Variants in CNGA1 observed in about 807,000 individuals in gnomAD.
The protein encoded by CNGA1 is cyclic nucleotide gated channel subunit alpha 1, also known as cyclic nucleotide-gated channel alpha-1.
CNGA1 carries 53 observed loss-of-function variants against 69.7 expected under a neutral mutation model. The ratio of observed to expected loss-of-function variants is 0.76; its 90% CI spans 0.61 to 0.96. The LOEUF is 0.96. Among genes scored for constraint, CNGA1 ranks in the 40% least tolerant of loss-of-function variants. The pLI, the probability that CNGA1 is intolerant of heterozygous loss-of-function variation, is 0.00. For synonymous variants in CNGA1, 249 were observed against 283.5 expected (o/e 0.88, Z 1.22); for missense variants, 739 against 811.2 (o/e 0.91, Z 1.08).
chr4:47,945,365 C>T (rs1378524428), intron 6 of CNGA1, among the ~76,000 whole-genome samples: 1 of 152,140 alleles, frequency 6.6e-6, no homozygotes, highest in Non-Finnish European at 1.5e-5. Flanking sequence ...GTATGACAAA[C>T]ATATTCCAGT....
intron 3 of CNGA1, among the ~76,000 whole-genome samples, chr4:47,973,749 C>T (rs1394872960): frequency 6.6e-6 from 1 of 151,376 alleles, no homozygotes; most frequent in Non-Finnish European, 1.5e-5. Context: ...ACATAGCTAC[C>T]TCTGGACAGT....
chr4:47,967,935 G>T (rs1404436799), intron 3 of CNGA1, among the ~76,000 whole-genome samples: 1 of 151,940 alleles, frequency 6.6e-6, no homozygotes, highest in South Asian at 2.1e-4. Context: ...CCTAGATCAC[G>T]CCACTGCACT....
At chr4:48,008,689 T>C (rs1715025560) in intron 2 of CNGA1, among the ~76,000 whole-genome samples, 1 of 152,214 alleles carries the variant, frequency 6.6e-6, no homozygotes, top group African/African-American at 2.4e-5. Context: ...ATTAAAGTTA[T>C]GAAACTCACC....
intron 2 of CNGA1, among the ~76,000 whole-genome samples, chr4:47,984,647 A>AAAAATATATAT (rs141458781): frequency 1.6e-4 from 10 of 64,492 alleles, no homozygotes; most frequent in Admixed American, 1.9e-4. Flanking sequence ...AAATAAAAAA[A>AAAAATATATAT]ATATATATAT....
intron 2 of CNGA1, among the ~76,000 whole-genome samples, chr4:47,996,236 G>C (rs1054896637): frequency 6.6e-6 from 1 of 152,134 alleles, no homozygotes; most frequent in Admixed American, 6.5e-5. Flanking sequence ...TCCTCTTAGG[G>C]AGTAAGTCCT....
At chr4:47,977,539 T>A (rs750768101) in intron 3 of CNGA1, among the ~76,000 whole-genome samples, 79 of 152,130 alleles carry the variant, frequency 5.2e-4, no homozygotes, top group Admixed American at 7.2e-4. Flanking sequence ...AACACTCACA[T>A]AATATAGAGA....
intron 2 of CNGA1, among the ~76,000 whole-genome samples, chr4:48,003,706 TGGG>T (rs1714765405): frequency 6.6e-6 from 1 of 152,046 alleles, no homozygotes; most frequent in Non-Finnish European, 1.5e-5. Flanking sequence ...GAGGAGACAT[TGGG>T]AGAAGTGACC....
chr4:48,003,150 C>T (rs2109348057), intron 2 of CNGA1, among the ~76,000 whole-genome samples: 1 of 152,246 alleles, frequency 6.6e-6, no homozygotes, highest in Middle Eastern at 3.4e-3. Context: ...CATCAATCAA[C>T]ATATGTAAGG....
intron 2 of CNGA1, among the ~76,000 whole-genome samples, chr4:48,000,911 A>G: frequency 6.6e-6 from 1 of 152,134 alleles, no homozygotes; most frequent in South Asian, 2.1e-4. Flanking sequence ...ATCTTTTTCA[A>G]ACAAACAAAA....
At chr4:48,011,188 C>T (rs988718643) in intron 1 of CNGA1, among the ~76,000 whole-genome samples, 1 of 152,144 alleles carries the variant, frequency 6.6e-6, no homozygotes, top group Non-Finnish European at 1.5e-5. Flanking sequence ...GAAGCGGTCA[C>T]TTTCCCAGCT....
At chr4:47,993,575 CTTCTT>C (rs1265954967) in intron 2 of CNGA1, among the ~76,000 whole-genome samples, 1 of 151,918 alleles carries the variant, frequency 6.6e-6, no homozygotes, top group Non-Finnish European at 1.5e-5. Context: ...GATTTTCTCT[CTTCTT>C]TTCTTGGTTA....
chr4:47,961,624 G>A (rs1025428217), intron 3 of CNGA1, among the ~76,000 whole-genome samples: 8 of 152,138 alleles, frequency 5.3e-5, no homozygotes, highest in Non-Finnish European at 8.8e-5. Context: ...CATGCCTGTG[G>A]TCTCAGCTAT....
chr4:47,992,657 A>AT lies in CNGA1; in HGVS notation c.-122-11158dup, dbSNP rs1553870333. Among the ~76,000 whole-genome samples, 625 of 145,332 alleles carry AT rather than the reference A, an allele frequency of 4.3e-3. 5 individuals are homozygous for AT. The highest frequency in any genetic ancestry group is 5.9e-3 in the Non-Finnish European group (390 of 66,298). On this transcript the variant is annotated intron_variant, in intron 2 of 10. Transcript: ENST00000514170. The stretch of plus-strand genomic sequence containing the variant: ...ATCTTTACTGATTTGGATGCCATTT[A>AT]TTATTTATTTATTTATTTATTTATT...
At chr4:47,986,818 G>A (rs1053663825) in intron 2 of CNGA1, among the ~76,000 whole-genome samples, 1 of 152,130 alleles carries the variant, frequency 6.6e-6, no homozygotes, top group Non-Finnish European at 1.5e-5. Context: ...CATACAAGGA[G>A]CCCAAAAATT....
At chr4:48,014,771 G>A (rs1715303826) in intron 1 of CNGA1, among the ~76,000 whole-genome samples, 1 of 152,164 alleles carries the variant, frequency 6.6e-6, no homozygotes, top group Admixed American at 6.5e-5. Context: ...CTATCCAAGT[G>A]TTTGTTAAAT....
chr4:48,016,499 C>A lies in CNGA1; in HGVS notation c.-239G>T, dbSNP rs1297553642. ...CGGAGTTACCTTGGCGGGCTCCACG[C>A]TCCGAGAGACGCTGTTGCTCTATGA... On this transcript the variant is annotated 5_prime_UTR_variant, in exon 1 of 11. Transcript: ENST00000514170. 1.6e-5 allele frequency: 6 copies of A among 366,800 alleles called. No individual in the cohort carries two copies. Among genetic ancestry groups the A allele is most frequent in the Admixed American group, 4.8e-5 (1 of 20,726 alleles). The allele number at this position is 366,800 out of a possible 1,614,324, so 22.7% of individuals were successfully genotyped here. A position where few individuals can be genotyped will look rare whatever the true frequency, so the allele number is the denominator to read the frequency against.
chr4:47,984,640 T>TAA (rs1553868839), intron 2 of CNGA1, among the ~76,000 whole-genome samples: 18,848 of 102,296 alleles, frequency 0.18, 1,449 homozygotes, highest in Middle Eastern at 0.27. Context: ...AACAAACAAA[T>TAA]AAAAAAAATA....
At chr4:47,953,254 GT>G (rs1348657103) in intron 3 of CNGA1, among the ~76,000 whole-genome samples, 1 of 152,104 alleles carries the variant, frequency 6.6e-6, no homozygotes, top group African/African-American at 2.4e-5. Flanking sequence ...CCATTGACCA[GT>G]TTTTTGTAAA....
At chr4:47,953,682 GC>G (rs2110162359) in intron 3 of CNGA1, among the ~76,000 whole-genome samples, 1 of 152,306 alleles carries the variant, frequency 6.6e-6, no homozygotes, top group African/African-American at 2.4e-5. Context: ...CCCAGCACAG[GC>G]CATGCCCCTT....
Sources: allele counts gnomAD v4.1 joint callset (sites outside exome capture counted in the v4.1 genomes callset), GRCh38; gene constraint gnomAD v4.1.1; transcripts MANE v1.5; gene names NCBI Gene and HGNC (gene_info 2026-07-23, HGNC 2026-07-21).